Variants in RBFOX1 observed in about 807,000 individuals in gnomAD.
RBFOX1 encodes the protein RNA binding fox-1 homolog 1.
RBFOX1 carries 8 observed loss-of-function variants against 57.7 expected under a neutral mutation model. The ratio of observed to expected loss-of-function variants is 0.14; its 90% confidence interval spans 0.08 to 0.25. The LOEUF is 0.25. Among genes scored for constraint, RBFOX1 ranks in the 10% least tolerant of loss-of-function variants. RBFOX1 has a pLI of 1.00. For missense variants in RBFOX1, 611 were observed against 548.5 expected (o/e 1.11, Z -1.14); for synonymous variants, 326 against 222.4 (o/e 1.47, Z -4.15).
intron 1 of RBFOX1, among the ~76,000 whole-genome samples, chr16:6,305,835 A>T (rs1287176752): frequency 6.6e-6 from 1 of 151,978 alleles, no homozygotes; most frequent in Non-Finnish European, 1.5e-5. Flanking sequence ...CCAAGTTCAA[A>T]GCTCTTTCTT....
intron 3 of RBFOX1, among the ~76,000 whole-genome samples, chr16:5,850,847 C>T (rs945622377): frequency 2.0e-5 from 3 of 152,210 alleles, no homozygotes; most frequent in African/African-American, 7.2e-5. Flanking sequence ...ACCTTGCAGG[C>T]AGGGAGACAG....
At chr16:6,230,294 T>C (rs143575359) in intron 1 of RBFOX1, among the ~76,000 whole-genome samples, 1 of 152,132 alleles carries the variant, frequency 6.6e-6, no homozygotes, top group Non-Finnish European at 1.5e-5. Context: ...GTAATTCATG[T>C]GTATTAACTC....
At chr16:6,934,427 A>G (rs1204754859) in intron 3 of RBFOX1, among the ~76,000 whole-genome samples, 1 of 152,224 alleles carries the variant, frequency 6.6e-6, no homozygotes, top group Non-Finnish European at 1.5e-5. Flanking sequence ...CTGCCTTTAC[A>G]TGTTTATTGC....
intron 3 of RBFOX1, among the ~76,000 whole-genome samples, chr16:6,833,677 G>C (rs1301439718): frequency 2.0e-5 from 3 of 152,208 alleles, no homozygotes; most frequent in South Asian, 2.1e-4. Flanking sequence ...GAATTGACTG[G>C]ATGCCAAATA....
chr16:7,025,252 G>A (rs934227218), intron 3 of RBFOX1, among the ~76,000 whole-genome samples: 4 of 152,134 alleles, frequency 2.6e-5, no homozygotes, highest in Non-Finnish European at 2.9e-5. Context: ...GGGTAACTCT[G>A]TGATGTTGCC....
At chr16:6,455,213 C>T (rs557620308) in intron 2 of RBFOX1, among the ~76,000 whole-genome samples, 15 of 151,948 alleles carry the variant, frequency 9.9e-5, no homozygotes, top group African/African-American at 3.4e-4. Flanking sequence ...TTTTCTAGGC[C>T]CTATTTTAGA....
intron 1 of RBFOX1, among the ~76,000 whole-genome samples, chr16:6,113,935 T>C (rs9302817): frequency 6.6e-6 from 1 of 152,024 alleles, no homozygotes; most frequent in Non-Finnish European, 1.5e-5. Flanking sequence ...GATCTGATAC[T>C]CTAGGGCTGG....
intron 2 of RBFOX1, among the ~76,000 whole-genome samples, chr16:6,471,749 AG>A (rs1323932998): frequency 6.6e-6 from 1 of 152,112 alleles, no homozygotes; most frequent in African/African-American, 2.4e-5. Flanking sequence ...CTTTTCTTCA[AG>A]GCAAAGGGAT....
chr16:7,108,397 A>G (rs2064000791), intron 4 of RBFOX1, among the ~76,000 whole-genome samples: 3 of 152,244 alleles, frequency 2.0e-5, no homozygotes, highest in Admixed American at 2.0e-4. Context: ...GTTGAAGTGT[A>G]ATGCAATATA....
intron 1 of RBFOX1, among the ~76,000 whole-genome samples, chr16:5,261,524 C>G (rs374452878): frequency 6.6e-6 from 1 of 150,776 alleles, no homozygotes; most frequent in East Asian, 1.9e-4. Context: ...AGGCACCCAT[C>G]CACTGACATT....
At chr16:7,003,725 A>C (rs1323654418) in intron 3 of RBFOX1, among the ~76,000 whole-genome samples, 1 of 152,148 alleles carries the variant, frequency 6.6e-6, no homozygotes, top group African/African-American at 2.4e-5. Flanking sequence ...AATGTAATTA[A>C]GTTAGTATGT....
At chr16:5,938,445 T>C (rs2059211663) in intron 4 of RBFOX1, among the ~76,000 whole-genome samples, 1 of 152,212 alleles carries the variant, frequency 6.6e-6, no homozygotes, top group Non-Finnish European at 1.5e-5. Flanking sequence ...GTGATGGTCA[T>C]GTTGCATAGC....
At chr16:7,419,925 C>CTTTT (rs367626244) in intron 4 of RBFOX1, among the ~76,000 whole-genome samples, 1,305 of 101,332 alleles carry the variant, frequency 0.013, 8 homozygotes, top group African/African-American at 0.031. Context: ...TTCTTTCTTC[C>CTTTT]TTTTTTTTTT....
intron 1 of RBFOX1, among the ~76,000 whole-genome samples, chr16:5,464,026 G>A (rs1295699494): frequency 6.6e-6 from 1 of 152,174 alleles, no homozygotes; most frequent in Non-Finnish European, 1.5e-5. Flanking sequence ...TGGATCAATA[G>A]CCCCGTGATG....
chr16:5,479,475 C>A (rs995227330), intron 2 of RBFOX1, among the ~76,000 whole-genome samples: 3 of 152,114 alleles, frequency 2.0e-5, no homozygotes, highest in Non-Finnish European at 2.9e-5. Context: ...TTATTTCTCC[C>A]CGGCCAGGCA....
chr16:6,727,365 TTTC>T (rs1322016862), intron 3 of RBFOX1, among the ~76,000 whole-genome samples: 3 of 152,150 alleles, frequency 2.0e-5, no homozygotes. Context: ...TAAAGAATAT[TTTC>T]TTAAGTATCC....
At chr16:5,819,767 T>A (rs1439184167) in intron 3 of RBFOX1, among the ~76,000 whole-genome samples, 3 of 152,212 alleles carry the variant, frequency 2.0e-5, no homozygotes, top group Non-Finnish European at 4.4e-5. Flanking sequence ...TTAGTTTCTT[T>A]CAACAAATAT....
chr16:7,272,805 C>G (rs977720536), intron 4 of RBFOX1, among the ~76,000 whole-genome samples: 3 of 152,092 alleles, frequency 2.0e-5, no homozygotes, highest in African/African-American at 7.2e-5. Flanking sequence ...ACCAGTGACT[C>G]TTGTTTTCTT....
intron 1 of RBFOX1, among the ~76,000 whole-genome samples, chr16:5,376,610 T>G (rs1375598524): frequency 6.6e-6 from 1 of 152,120 alleles, no homozygotes; most frequent in African/African-American, 2.4e-5. Flanking sequence ...TTCAGCAGGA[T>G]GAGGAGCTCT....
Sources: allele counts gnomAD v4.1 joint callset (sites outside exome capture counted in the v4.1 genomes callset), GRCh38; gene constraint gnomAD v4.1.1; transcripts MANE v1.5; gene names NCBI Gene and HGNC (gene_info 2026-07-23, HGNC 2026-07-21).